ADGRA1: variants seen among roughly 807,000 people sequenced by gnomAD.
ADGRA1 encodes G-protein coupled receptor 123.
ADGRA1 carries 12 observed loss-of-function variants against 21.3 expected under a neutral mutation model. The ratio of observed to expected loss-of-function variants is 0.56; its 90% CI spans 0.36 to 0.91. ADGRA1 has a LOEUF of 0.91. Ranked by LOEUF, ADGRA1 falls within the 40% of genes least tolerant of loss-of-function variation. The probability of loss-of-function intolerance (pLI) is 0.01; values close to 1 mark genes in which losing one functional copy is unlikely to be tolerated. For missense variants in ADGRA1, 790 were observed against 805.6 expected, an observed-to-expected ratio of 0.98 and a Z score of 0.23; for synonymous variants, 385 against 368.8, an observed-to-expected ratio of 1.04 and a Z score of -0.50.
At chr10:133,093,442 A>C (rs564890542) in intron 2 of ADGRA1, among the ~76,000 whole-genome samples, 1 of 152,380 alleles carries the variant, frequency 6.6e-6, no homozygotes, top group Non-Finnish European at 1.5e-5. Flanking sequence ...GAGGAGACAC[A>C]AATAAGCCAG....
At chr10:133,095,841 TCA>T in intron 2 of ADGRA1, 1 of 1,558,798 alleles carries the variant, frequency 6.4e-7, no homozygotes, top group Non-Finnish European at 8.7e-7. Flanking sequence ...ACTTCCCGCC[TCA>T]CTCAGCCGGA....
chr10:133,127,426 G>A (rs1272823523), intron 6 of ADGRA1, 95 bp downstream of exon 6: 5 of 940,006 alleles, frequency 5.3e-6, no homozygotes, highest in Admixed American at 5.6e-5. Context: ...AGCCCAGGAC[G>A]AAGCAGCAAG....
intron 5 of ADGRA1, among the ~76,000 whole-genome samples, chr10:133,105,057 A>G (rs996829579): frequency 6.6e-6 from 1 of 152,164 alleles, no homozygotes; most frequent in African/African-American, 2.4e-5. Flanking sequence ...GCGGCCCTGC[A>G]TCCCCAGCCC....
chr10:133,113,554 G>C (rs1295627951), intron 5 of ADGRA1, among the ~76,000 whole-genome samples: 1 of 152,214 alleles, frequency 6.6e-6, no homozygotes, highest in Non-Finnish European at 1.5e-5. Flanking sequence ...ACCCCACTGG[G>C]CTGGGGCCCT....
chr10:133,093,430 AAG>A (rs1851636924), intron 2 of ADGRA1, among the ~76,000 whole-genome samples: 1 of 152,248 alleles, frequency 6.6e-6, no homozygotes, highest in Admixed American at 6.5e-5. Flanking sequence ...TGACTAAAGA[AAG>A]AGGAGACACA....
At chr10:133,099,635 C>T (rs114301093) in intron 4 of ADGRA1, among the ~76,000 whole-genome samples, 1 of 152,210 alleles carries the variant, frequency 6.6e-6, no homozygotes, top group Admixed American at 6.5e-5. Flanking sequence ...TAAGCCCTGT[C>T]CTCCTCCACT....
chr10:133,129,458 G>T lies in ADGRA1; in HGVS notation c.1630G>T (p.Asp544Tyr). The T allele has an allele frequency of 6.2e-7, 1 of 1,600,790 alleles. No individual in the cohort carries two copies. ...GCTAGAAGGCCTGCCGTTTGGCACC[G>T]ACGGGACCGGCAACATCCGAACGGG... Reference protein sequence around the residue: ...KLLEGLPFGTDGTGNIRTGPW... With the variant: ...KLLEGLPFGTYGTGNIRTGPW... The change falls in exon 7 of 7, where the codon GAC becomes TAC. Residue 544 changes from aspartate to tyrosine, a missense_variant. Physicochemically the swap from Asp to Tyr is radical, Grantham distance 160. Around this residue, in one of 3 missense-constraint regions of ADGRA1, gnomAD observed 391 missense variants for 351.5 expected, o/e 1.11. Coordinates refer to ENST00000392607, the MANE Select transcript of ADGRA1 (RefSeq NM_001083909.3).
At chr10:133,114,382 C>T (rs571624118) in intron 5 of ADGRA1, among the ~76,000 whole-genome samples, 2 of 152,270 alleles carry the variant, frequency 1.3e-5, no homozygotes, top group Non-Finnish European at 2.9e-5. Flanking sequence ...ACCAGAGCGG[C>T]GGTGCTATGG....
intron 4 of ADGRA1, chr10:133,102,225 C>T: frequency 2.2e-6 from 1 of 461,102 alleles, no homozygotes; most frequent in South Asian, 1.5e-5. Context: ...CGGCGACCTG[C>T]AGGGCCACAC....
intron 5 of ADGRA1, among the ~76,000 whole-genome samples, chr10:133,105,468 C>T (rs1312379375): frequency 6.6e-6 from 1 of 152,176 alleles, no homozygotes; most frequent in African/African-American, 2.4e-5. Flanking sequence ...TGAGAAAGCC[C>T]TCGCCATCCT....
In ADGRA1 at chr10:133,129,175, C is replaced by G; in HGVS notation, c.1347C>G (p.Arg449=). Residue 449 remains arginine (R), a synonymous_variant, in exon 7 of 7, where the codon CGC becomes CGG. Coordinates refer to ENST00000392607, the MANE Select transcript of ADGRA1 (RefSeq NM_001083909.3). ...HIPSSLDGSP[R]SSRTDSPPSS... ...CATCCAGCCTGGATGGCAGCCCCCGCAGCTCGCGCACAGACAGCCCCCCCA... is the reference window on the plus strand; with the variant it reads ...CATCCAGCCTGGATGGCAGCCCCCGGAGCTCGCGCACAGACAGCCCCCCCA... The G allele has an allele frequency of 1.9e-6, 3 of 1,551,070 alleles. No individual in the cohort carries two copies. The highest frequency in any genetic ancestry group is 2.6e-6 in the Non-Finnish European group (3 of 1,147,282).
At chr10:133,103,119 T>G (rs1015369658) in intron 5 of ADGRA1, among the ~76,000 whole-genome samples, 3 of 152,050 alleles carry the variant, frequency 2.0e-5, no homozygotes, top group Non-Finnish European at 4.4e-5. Context: ...GGGTGGAGTC[T>G]GAGGCAGGCG....
intron 4 of ADGRA1, 38 bp downstream of exon 4, chr10:133,098,801 G>A: frequency 6.3e-7 from 1 of 1,588,190 alleles, no homozygotes; most frequent in Non-Finnish European, 8.5e-7. Context: ...CCTCCCAGAG[G>A]GGAACTGCGT....
chr10:133,124,912 G>A (rs1036350454), intron 5 of ADGRA1, among the ~76,000 whole-genome samples: 5 of 152,324 alleles, frequency 3.3e-5, no homozygotes, highest in East Asian at 1.9e-4. Flanking sequence ...GAAAAGCGGC[G>A]GCCTCCCGCG....
chr10:133,091,995 C>A (rs1428573367), intron 2 of ADGRA1, among the ~76,000 whole-genome samples: 3 of 152,170 alleles, frequency 2.0e-5, no homozygotes, highest in African/African-American at 7.2e-5. Flanking sequence ...CTGAAGAGAA[C>A]CAGGATCGGG....
chr10:133,127,746 G>C (rs112232872), intron 6 of ADGRA1, among the ~76,000 whole-genome samples: 2 of 146,712 alleles, frequency 1.4e-5, no homozygotes, highest in African/African-American at 2.6e-5. Context: ...TGGCCCGCCC[G>C]TCTGCCCTCC....
chr10:133,098,853 C>T (rs1018472099), intron 4 of ADGRA1, 90 bp downstream of exon 4: 2 of 1,496,808 alleles, frequency 1.3e-6, no homozygotes, highest in East Asian at 2.3e-5. Flanking sequence ...AGCGTTTGCT[C>T]AGCTATTTCC....
At chr10:133,121,951 T>TGCC (rs1852275973) in intron 5 of ADGRA1, among the ~76,000 whole-genome samples, 3 of 147,632 alleles carry the variant, frequency 2.0e-5, no homozygotes, top group African/African-American at 7.5e-5. Flanking sequence ...GTGAGTGTGC[T>TGCC]TGTGTGAGTG....
intron 5 of ADGRA1, among the ~76,000 whole-genome samples, chr10:133,114,227 G>T (rs1041937794): frequency 6.6e-6 from 1 of 152,208 alleles, no homozygotes; most frequent in Non-Finnish European, 1.5e-5. Flanking sequence ...GGGACACACC[G>T]CCACTGATGC....
Sources: gnomAD v4.1 joint callset for allele counts (sites outside exome capture counted in the v4.1 genomes callset) on GRCh38, gnomAD v4.1.1 for gene constraint, gnomAD v4.1.1 regional missense constraint, MANE v1.5 for transcripts, NCBI Gene and HGNC (gene_info 2026-07-23, HGNC 2026-07-21) for gene names.